The following ZNF610 variants were observed in gnomAD, a reference collection of about 807,000 sequenced individuals.
The protein encoded by ZNF610 is zink finger protein.
Under a neutral mutation model 14.1 loss-of-function variants are expected in ZNF610, and 14 were observed. The observed-to-expected ratio is 0.99, with a 90% confidence interval of 0.65 to 1.55. ZNF610 has a LOEUF of 1.55. Among genes scored for constraint, ZNF610 ranks in the 40% most tolerant of loss-of-function variants. ZNF610 has a pLI of 0.00. For missense variants in ZNF610, 530 were observed against 558.0 expected (o/e 0.95, Z 0.51); for synonymous variants, 185 against 187.6 (o/e 0.99, Z 0.11).
At chr19:52,353,493 C>T (rs1180011272) in intron 3 of ZNF610, among the ~76,000 whole-genome samples, 189 bp from the exon 4 acceptor site, 2 of 152,116 alleles carry the variant, frequency 1.3e-5, no homozygotes, top group Non-Finnish European at 2.9e-5. Context: ...CCTAGTAAAA[C>T]CCCATCTGAA....
chr19:52,345,854 A>G (rs993712977), intron 1 of ZNF610, among the ~76,000 whole-genome samples: 90 of 150,962 alleles, frequency 6.0e-4, no homozygotes, highest in Admixed American at 9.9e-4. Context: ...ACAGGCGCTC[A>G]CCACCACGCC....
At chr19:52,362,919 G>A (rs1184704284) in intron 5 of ZNF610, among the ~76,000 whole-genome samples, 1 of 152,042 alleles carries the variant, frequency 6.6e-6, no homozygotes, top group Non-Finnish European at 1.5e-5. Context: ...CATATCTAAT[G>A]AGGCTATAGT....
chr19:52,349,328 C>T, intron 3 of ZNF610, 93 bp downstream of exon 3: 3 of 1,410,990 alleles, frequency 2.1e-6, no homozygotes, highest in South Asian at 1.2e-5. Flanking sequence ...CTCACCCATG[C>T]CTTCCCTCAG....
At chr19:52,353,588 T>C in intron 3 of ZNF610, 94 bp from the exon 4 acceptor site, 2 of 1,418,600 alleles carry the variant, frequency 1.4e-6, no homozygotes, top group Middle Eastern at 5.0e-4. Context: ...TGATCTGCCA[T>C]TTTTAATAGC....
chr19:52,339,408 T>C (rs1012898314), intron 1 of ZNF610, among the ~76,000 whole-genome samples: 9 of 151,914 alleles, frequency 5.9e-5, no homozygotes, highest in Admixed American at 2.0e-4. Context: ...CAATACCTGG[T>C]TTTCCTAGGC....
intron 5 of ZNF610, among the ~76,000 whole-genome samples, chr19:52,360,100 C>T (rs1286038468): frequency 6.6e-6 from 1 of 152,190 alleles, no homozygotes; most frequent in Admixed American, 6.5e-5. Context: ...ATGCAGTCCT[C>T]TTAGATTTTT....
intron 5 of ZNF610, among the ~76,000 whole-genome samples, chr19:52,356,301 A>G (rs537715979): frequency 9.1e-4 from 138 of 152,202 alleles, no homozygotes; most frequent in African/African-American, 3.3e-3. Flanking sequence ...CAACAGAAAG[A>G]CCCTGTATTC....
rs1568657691 is a variant in ZNF610 at position 52,367,747 on chromosome 19, ATG to A, written c.*987_*988del. 2 of 152,144 alleles carry A rather than the reference ATG, an allele frequency of 1.3e-5. No individual in the cohort carries two copies. The highest frequency in any genetic ancestry group is 1.9e-4 in the East Asian group (1 of 5,188). The allele number at this position is 152,144 out of a possible 1,614,324, so 9.4% of individuals were successfully genotyped here. A position where few individuals can be genotyped will look rare whatever the true frequency, so the allele number is the denominator to read the frequency against. On this transcript the variant is annotated 3_prime_UTR_variant, in exon 6 of 6. Transcript: ENST00000403906. ...CAATTTCAGCCTTGTACACCCTCAA[ATG>A]TGTGTGAGTGTTAAAGAGTATGCCC...
At chr19:52,331,899 GGGT>G (rs1984223206), upstream of ZNF610, among the ~76,000 whole-genome samples, 1 of 152,136 alleles carries the variant, frequency 6.6e-6, no homozygotes, top group Non-Finnish European at 1.5e-5. Flanking sequence ...AGGTCCATGT[GGGT>G]TACAAGTGGC....
chr19:52,332,101 C>T (rs999259837), upstream of ZNF610, among the ~76,000 whole-genome samples: 2 of 152,240 alleles, frequency 1.3e-5, no homozygotes, highest in Non-Finnish European at 2.9e-5. This position sits in a 1 kb window ranked among gnomAD's most constrained non-coding sequence, Gnocchi z 4.1. Context: ...GATATAAGGT[C>T]AGTGCCCTAA....
intron 5 of ZNF610, 75 bp from the exon 6 acceptor site, chr19:52,365,623 T>G: frequency 7.4e-7 from 1 of 1,349,918 alleles, no homozygotes. Context: ...TGGGTGAGGC[T>G]GATTCTGGTC....
intron 5 of ZNF610, among the ~76,000 whole-genome samples, chr19:52,364,317 C>T (rs897263895): frequency 6.6e-6 from 1 of 152,056 alleles, no homozygotes; most frequent in African/African-American, 2.4e-5. Context: ...CATACAGTGT[C>T]ACTCTCAGGA....
chr19:52,342,208 G>A (rs534588863), intron 1 of ZNF610, among the ~76,000 whole-genome samples: 2 of 152,228 alleles, frequency 1.3e-5, no homozygotes, highest in African/African-American at 2.4e-5. Flanking sequence ...CTCCCAAAAT[G>A]TATCCAGATG....
chr19:52,341,922 CA>C (rs764516731), intron 1 of ZNF610, among the ~76,000 whole-genome samples: 1 of 152,126 alleles, frequency 6.6e-6, no homozygotes, highest in Non-Finnish European at 1.5e-5. Flanking sequence ...ACAATTCTCC[CA>C]CCTCAGCCTC....
In ZNF610 at chr19:52,340,803, C is replaced by T. The variant is rs180744630; in HGVS notation, c.-258+4297C>T. Among the ~76,000 whole-genome samples, 214 of 152,216 alleles carry T rather than the reference C, an allele frequency of 1.4e-3. 7 individuals are homozygous for T. In the East Asian group the frequency reaches 0.03, roughly 21 times the overall value. On this transcript the variant is annotated intron_variant, in intron 1 of 5. Coordinates refer to ENST00000403906, the MANE Select transcript of ZNF610 (RefSeq NM_001161425.2). ...TCAAGCGATTCTCCTGCCTCAGCCT[C>T]TCAAGTAGCTGGGACTACAGGCACA...
At position 52,367,462 on chromosome 19, in the gene ZNF610, T is replaced by G. The variant is rs1986164289; in HGVS notation, c.*695T>G. On this transcript the variant is annotated 3_prime_UTR_variant, in exon 6 of 6. Transcript: ENST00000403906. ...TTCTTAGTGTGAATGAATTACATCC[T>G]TTCTACCAGCGTTGTTTAATCTTAC... 1 of 152,220 alleles carries G rather than the reference T, an allele frequency of 6.6e-6. No individual in the cohort carries two copies. Among genetic ancestry groups the G allele is most frequent in the South Asian group, 2.1e-4 (1 of 4,834 alleles). The allele number at this position is 152,220 out of a possible 1,614,324, so 9.4% of individuals were successfully genotyped here. A position where few individuals can be genotyped will look rare whatever the true frequency, so the allele number is the denominator to read the frequency against.
rs1985036449 is a variant in ZNF610, at chr19:52,347,847, A to G, written c.-117A>G. The G allele has an allele frequency of 6.6e-6, 1 of 152,170 alleles. No individual in the cohort carries two copies. 9.4% of individuals were successfully genotyped at this position (152,170 alleles called of 1,614,324 possible). Reference sequence around the variant, plus strand: ...CAAGTATTCGGTATTTATAAAATCTACAGTAGTACACAGTTATGTCGTAGG... The same window carrying G: ...CAAGTATTCGGTATTTATAAAATCTGCAGTAGTACACAGTTATGTCGTAGG... On this transcript the variant is annotated 5_prime_UTR_variant, in exon 2 of 6. Coordinates refer to ENST00000403906, the MANE Select transcript of ZNF610 (RefSeq NM_001161425.2).
chr19:52,351,333 G>C (rs537157497), intron 3 of ZNF610, among the ~76,000 whole-genome samples: 1 of 151,986 alleles, frequency 6.6e-6, no homozygotes, highest in Non-Finnish European at 1.5e-5. Flanking sequence ...GTGCACACCT[G>C]TAATCCCAGC....
intron 1 of ZNF610, among the ~76,000 whole-genome samples, chr19:52,342,769 T>C (rs149233147): frequency 0.017 from 2,599 of 152,052 alleles, 72 homozygotes; most frequent in African/African-American, 0.06. Context: ...TCGTGATCCA[T>C]CCACCTTGGC....
Sources: allele counts gnomAD v4.1 joint callset (sites outside exome capture counted in the v4.1 genomes callset), GRCh38; gene constraint gnomAD v4.1.1; non-coding constraint Gnocchi (gnomAD v3.1); transcripts MANE v1.5; gene names NCBI Gene and HGNC (gene_info 2026-07-23, HGNC 2026-07-21).